The following STXBP5L variants were observed in gnomAD, a reference collection of about 807,000 sequenced individuals.
The protein encoded by STXBP5L is syntaxin binding protein 5L, also known as syntaxin-binding protein 5-like.
STXBP5L carries 65 observed loss-of-function variants against 144.5 expected under a neutral mutation model. The observed-to-expected ratio is 0.45, with a 90% CI of 0.37 to 0.55. The LOEUF (loss-of-function observed/expected upper bound fraction) is 0.55, where lower values mean the gene tolerates loss of function less well. STXBP5L is among the 20% of genes least tolerant of loss of function. The pLI, the probability that STXBP5L is intolerant of heterozygous loss-of-function variation, is 0.00. For missense variants in STXBP5L, 1,298 were observed against 1,405.5 expected (o/e 0.92, Z 1.22); for synonymous variants, 505 against 469.6 (o/e 1.08, Z -0.97).
intron 3 of STXBP5L, among the ~76,000 whole-genome samples, chr3:121,030,324 A>G (rs980124421): frequency 6.6e-6 from 1 of 152,174 alleles, no homozygotes; most frequent in Admixed American, 6.6e-5. Context: ...TGTGGTGCAT[A>G]TATACCATGG....
At chr3:121,004,719 C>T (rs532473020) in intron 3 of STXBP5L, among the ~76,000 whole-genome samples, 4 of 152,162 alleles carry the variant, frequency 2.6e-5, no homozygotes, top group Admixed American at 2.0e-4. Flanking sequence ...TTTTGAGATA[C>T]GTCCCATGAA....
rs1239172022 is a variant in STXBP5L at position 121,340,690 on chromosome 3, A to G, written c.2176+22150A>G. On this transcript the variant is annotated intron_variant, in intron 20 of 26. Coordinates refer to ENST00000471454, the MANE Select transcript of STXBP5L (RefSeq NM_001308330.2). ...CCTTTTTATGGCTGCAGAGTATTCC[A>G]TGGTGTATATGAAGGCACAGAATAT... Among the ~76,000 whole-genome samples the G allele has an allele frequency of 2.6e-5, 4 of 152,196 alleles. No individual in the cohort carries two copies. In the South Asian group the frequency reaches 6.2e-4, roughly 24 times the overall value.
At chr3:120,956,879 T>A (rs1389842676) in intron 3 of STXBP5L, among the ~76,000 whole-genome samples, 4 of 152,000 alleles carry the variant, frequency 2.6e-5, no homozygotes, top group African/African-American at 9.7e-5. Context: ...TGCTTTGGTG[T>A]CATATGTAAG....
intron 5 of STXBP5L, among the ~76,000 whole-genome samples, chr3:121,047,672 T>A (rs899215721): frequency 6.6e-6 from 1 of 152,034 alleles, no homozygotes; most frequent in Non-Finnish European, 1.5e-5. Flanking sequence ...TAACAACCCC[T>A]GCTTTTTTCT....
chr3:121,157,962 G>A (rs1205929365), intron 9 of STXBP5L: 1 of 209,002 alleles, frequency 4.8e-6, no homozygotes, highest in Non-Finnish European at 9.4e-6. Flanking sequence ...GTGAGAGAAT[G>A]GCACTATTTA....
chr3:121,313,211 G>A (rs1307115224), intron 19 of STXBP5L, among the ~76,000 whole-genome samples: 1 of 141,442 alleles, frequency 7.1e-6, no homozygotes, highest in African/African-American at 2.7e-5. Flanking sequence ...CGGCCGGAAG[G>A]GGGGCTGACC....
intron 20 of STXBP5L, among the ~76,000 whole-genome samples, chr3:121,355,368 G>C (rs1030061982): frequency 9.2e-5 from 14 of 152,020 alleles, no homozygotes; most frequent in Non-Finnish European, 1.9e-4. Flanking sequence ...CATATTTCTT[G>C]GAGGCTTTGT....
At chr3:120,965,591 T>C (rs1939467416) in intron 3 of STXBP5L, among the ~76,000 whole-genome samples, 1 of 152,316 alleles carries the variant, frequency 6.6e-6, no homozygotes, top group East Asian at 1.9e-4. Flanking sequence ...TGTAAGAATG[T>C]TGGATATTGG....
At chr3:121,150,898 G>T (rs901725505) in intron 7 of STXBP5L, among the ~76,000 whole-genome samples, 3 of 151,986 alleles carry the variant, frequency 2.0e-5, no homozygotes, top group African/African-American at 7.3e-5. Context: ...AACCAGCCTG[G>T]CCAACGTGGT....
At chr3:121,172,868 G>T (rs2046781504) in intron 9 of STXBP5L, among the ~76,000 whole-genome samples, 1 of 152,116 alleles carries the variant, frequency 6.6e-6, no homozygotes, top group South Asian at 2.1e-4. Context: ...CTACTATAAA[G>T]ACACATGCAC....
At chr3:121,056,087 G>T (rs1024320504) in intron 5 of STXBP5L, among the ~76,000 whole-genome samples, 1 of 152,066 alleles carries the variant, frequency 6.6e-6, no homozygotes, top group Non-Finnish European at 1.5e-5. Flanking sequence ...TTACAAGTAT[G>T]AACCTTTGCA....
chr3:121,116,548 A>G (rs1201346707), intron 6 of STXBP5L, among the ~76,000 whole-genome samples: 1 of 152,132 alleles, frequency 6.6e-6, no homozygotes, highest in African/African-American at 2.4e-5. Context: ...CAAAGTAAAT[A>G]CTAAATGATT....
intron 5 of STXBP5L, among the ~76,000 whole-genome samples, chr3:121,088,284 C>G (rs1418418389): frequency 8.2e-6 from 1 of 122,078 alleles, no homozygotes. Context: ...GGGCGAAGGA[C>G]ATGAACAGAC....
intron 7 of STXBP5L, among the ~76,000 whole-genome samples, chr3:121,140,817 A>T (rs2045466707): frequency 6.6e-6 from 1 of 152,204 alleles, no homozygotes; most frequent in Non-Finnish European, 1.5e-5. Flanking sequence ...AAATTGTAAG[A>T]TATCTAATGT....
At chr3:121,177,816 T>A (rs1165324919) in intron 9 of STXBP5L, among the ~76,000 whole-genome samples, 1 of 152,194 alleles carries the variant, frequency 6.6e-6, no homozygotes, top group Non-Finnish European at 1.5e-5. Flanking sequence ...ACTTGAGATA[T>A]GTGTATACTC....
At chr3:121,115,841 TA>T (rs747957696) in intron 6 of STXBP5L, among the ~76,000 whole-genome samples, 45 of 152,054 alleles carry the variant, frequency 3.0e-4, no homozygotes, top group South Asian at 2.5e-3. Flanking sequence ...GAGGAGGAGT[TA>T]GGGGGAGGTG....
chr3:120,956,372 CT>C (rs1938036933), intron 3 of STXBP5L, among the ~76,000 whole-genome samples: 1 of 151,834 alleles, frequency 6.6e-6, no homozygotes, highest in Admixed American at 6.6e-5. Context: ...ATTCTGCTTT[CT>C]GTTTCTATAA....
At chr3:121,058,798 C>T (rs1376065231) in intron 5 of STXBP5L, among the ~76,000 whole-genome samples, 2 of 151,640 alleles carry the variant, frequency 1.3e-5, no homozygotes, top group African/African-American at 4.9e-5. Flanking sequence ...CTGTTCATAT[C>T]CTTTGCCCAC....
chr3:121,155,866 T>C (rs1284143794), intron 8 of STXBP5L, among the ~76,000 whole-genome samples: 4 of 151,922 alleles, frequency 2.6e-5, no homozygotes, highest in African/African-American at 9.7e-5. Flanking sequence ...CTCCAGTAGA[T>C]AGAAATTCAG....
Sources: allele counts gnomAD v4.1 joint callset (sites outside exome capture counted in the v4.1 genomes callset), GRCh38; gene constraint gnomAD v4.1.1; transcripts MANE v1.5; gene names NCBI Gene and HGNC (gene_info 2026-07-23, HGNC 2026-07-21).